Variants in THSD4 observed in about 807,000 individuals in gnomAD.
THSD4 encodes the protein thrombospondin type-1 domain-containing protein 4.
THSD4 carries 69 observed loss-of-function variants against 119.0 expected under a neutral mutation model. The ratio of observed to expected loss-of-function variants is 0.58; its 90% CI spans 0.48 to 0.71. The LOEUF (loss-of-function observed/expected upper bound fraction) is 0.71. Ranked by LOEUF, THSD4 falls within the 30% of genes least tolerant of loss-of-function variation. The probability of loss-of-function intolerance (pLI) is 0.00; values close to 1 mark genes in which losing one functional copy is unlikely to be tolerated. For synonymous variants in THSD4, 524 were observed against 540.4 expected, an observed-to-expected ratio of 0.97 and a Z score of 0.42; for missense variants, 1,393 against 1,391.1, an observed-to-expected ratio of 1.00 and a Z score of -0.02.
At position 71,649,979 on chromosome 15, in the gene THSD4, G is replaced by A. The variant is rs369931349; in HGVS notation, c.1153-10551G>A. Among the ~76,000 whole-genome samples, 5 of 152,290 alleles carry A rather than the reference G, an allele frequency of 3.3e-5. No individual in the cohort carries two copies. The South Asian group carries it at 1.0e-3, about 32-fold the overall frequency. On this transcript the variant is annotated intron_variant, in intron 7 of 17. Coordinates refer to ENST00000261862, the MANE Select transcript of THSD4 (RefSeq NM_024817.3). ...AGTGACTTCTGACATCCAGAGGAGG[G>A]ACGGCAGAGACCTTCTGGTAGTTGG...
At chr15:71,602,382 C>T (rs537744709) in intron 7 of THSD4, among the ~76,000 whole-genome samples, 21 of 151,590 alleles carry the variant, frequency 1.4e-4, no homozygotes, top group South Asian at 1.3e-3. Flanking sequence ...GGAGAAACCC[C>T]GTCTCTACTA....
intron 6 of THSD4, among the ~76,000 whole-genome samples, chr15:71,261,572 C>T (rs1415442293): frequency 6.6e-6 from 1 of 152,148 alleles, no homozygotes; most frequent in Non-Finnish European, 1.5e-5. Context: ...TGTTCCCATC[C>T]CTGGAACCTA....
intron 7 of THSD4, among the ~76,000 whole-genome samples, chr15:71,600,740 C>T (rs5011506): frequency 0.039 from 4,864 of 125,772 alleles, 253 homozygotes; most frequent in African/African-American, 0.12. Flanking sequence ...CTTTTTTTTT[C>T]TTTCTTTCTT....
intron 7 of THSD4, among the ~76,000 whole-genome samples, chr15:71,463,961 G>A (rs545011333): frequency 2.0e-5 from 3 of 152,134 alleles, no homozygotes; most frequent in Admixed American, 2.0e-4. Flanking sequence ...GCTTTTTGAT[G>A]CACCCTGCAC....
intron 7 of THSD4, among the ~76,000 whole-genome samples, chr15:71,535,630 T>C (rs1307480631): frequency 6.6e-6 from 1 of 152,226 alleles, no homozygotes; most frequent in East Asian, 1.9e-4. Context: ...TGCCAACATT[T>C]GTTATCACCT....
chr15:71,361,221 A>AT (rs1394184085), intron 6 of THSD4, among the ~76,000 whole-genome samples: 2 of 152,168 alleles, frequency 1.3e-5, no homozygotes, highest in African/African-American at 4.8e-5. Context: ...TTTAACATTT[A>AT]TTGGGAAAGA....
At chr15:71,767,331 A>T (rs2053731851) in intron 16 of THSD4, 1 of 152,210 alleles carries the variant, frequency 6.6e-6, no homozygotes, top group African/African-American at 2.4e-5. Context: ...TAATGTAAAT[A>T]TGTTTCTAGT....
intron 10 of THSD4, among the ~76,000 whole-genome samples, chr15:71,736,758 A>G (rs2053120590): frequency 2.0e-5 from 3 of 152,126 alleles, no homozygotes; most frequent in Admixed American, 2.0e-4. Context: ...TTTACCCTTA[A>G]TGAAAGCCTA....
intron 6 of THSD4, among the ~76,000 whole-genome samples, chr15:71,393,035 C>G (rs1419028224): frequency 6.6e-6 from 1 of 152,156 alleles, no homozygotes; most frequent in Non-Finnish European, 1.5e-5. Context: ...TGTTCAAATC[C>G]TTGTTTGTCT....
rs1332938749 is a variant in THSD4, at chr15:71,155,081, G to C, written c.99+149G>C. The C allele has an allele frequency of 8.3e-6, 6 of 720,022 alleles. No homozygotes were observed. The African/African-American group carries it at 1.1e-4, about 13-fold the overall frequency. The allele number at this position is 720,022 out of a possible 1,614,324, so 44.6% of individuals were successfully genotyped here. On this transcript the variant is annotated intron_variant, in intron 3 of 17. Coordinates refer to ENST00000261862, the MANE Select transcript of THSD4 (RefSeq NM_024817.3). ...TACAGAATATGGAGTGTACTATTCT[G>C]TTCTCACATTGCTATAAAGAAATAT...
At chr15:71,751,227 G>A (rs1185637492) in intron 14 of THSD4, among the ~76,000 whole-genome samples, 1 of 152,140 alleles carries the variant, frequency 6.6e-6, no homozygotes, top group Non-Finnish European at 1.5e-5. Flanking sequence ...AAACTTGATG[G>A]ATTTCCTGTA....
chr15:71,472,964 GGT>G (rs1416271876), intron 7 of THSD4, among the ~76,000 whole-genome samples: 1 of 151,938 alleles, frequency 6.6e-6, no homozygotes, highest in Admixed American at 6.6e-5. Flanking sequence ...TGCTGTTAAT[GGT>G]GAGATCTGTT....
intron 9 of THSD4, chr15:71,730,484 C>T (rs2052955417): frequency 6.6e-6 from 1 of 152,330 alleles, no homozygotes; most frequent in Admixed American, 6.5e-5. Flanking sequence ...CTGACTTCCA[C>T]AGTCCTACGT....
At chr15:71,711,700 C>T (rs1004699067) in intron 8 of THSD4, among the ~76,000 whole-genome samples, 1 of 151,830 alleles carries the variant, frequency 6.6e-6, no homozygotes, top group African/African-American at 2.4e-5. Flanking sequence ...TTAAAGGAAA[C>T]ACATTTTTGA....
intron 6 of THSD4, among the ~76,000 whole-genome samples, chr15:71,314,518 G>A (rs1288919236): frequency 1.3e-5 from 2 of 152,082 alleles, no homozygotes; most frequent in Admixed American, 6.5e-5. Flanking sequence ...TGTTGGCCAG[G>A]CTGGTCTTGA....
At chr15:71,193,902 G>A (rs1330165197) in intron 3 of THSD4, among the ~76,000 whole-genome samples, 2 of 152,042 alleles carry the variant, frequency 1.3e-5, no homozygotes, top group Middle Eastern at 3.2e-3. Context: ...TAGTAGAGAC[G>A]GGGTTTCACC....
intron 7 of THSD4, among the ~76,000 whole-genome samples, chr15:71,598,066 G>T (rs1033742533): frequency 6.6e-6 from 1 of 152,206 alleles, no homozygotes; most frequent in Admixed American, 6.5e-5. Flanking sequence ...AGTGTTCCTA[G>T]TGCAGGCTAA....
At chr15:71,696,249 A>G (rs1432545975) in intron 8 of THSD4, among the ~76,000 whole-genome samples, 1 of 152,208 alleles carries the variant, frequency 6.6e-6, no homozygotes, top group Non-Finnish European at 1.5e-5. Context: ...CTTTCGTGCT[A>G]TGTCACAACA....
At chr15:71,569,780 G>A (rs4777411) in intron 7 of THSD4, among the ~76,000 whole-genome samples, 22,859 of 152,188 alleles carry the variant, frequency 0.15, 2,327 homozygotes, top group East Asian at 0.49. Flanking sequence ...GATCACTTGA[G>A]GTCAGGAGTT....
Sources: gnomAD v4.1 joint callset for allele counts (sites outside exome capture counted in the v4.1 genomes callset) on GRCh38, gnomAD v4.1.1 for gene constraint, MANE v1.5 for transcripts, NCBI Gene and HGNC (gene_info 2026-07-23, HGNC 2026-07-21) for gene names.